CDH13: variants seen among roughly 807,000 people sequenced by gnomAD.
The protein encoded by CDH13 is cadherin-13.
CDH13 carries 24 observed loss-of-function variants against 63.8 expected under a neutral mutation model. The observed-to-expected ratio is 0.38, with a 90% CI of 0.27 to 0.53. The LOEUF is 0.53. CDH13 is among the 20% of genes least tolerant of loss of function. CDH13 has a pLI of 0.85. For missense variants in CDH13, 1,049 were observed against 903.1 expected (o/e 1.16, Z -2.07); for synonymous variants, 503 against 355.3 (o/e 1.42, Z -4.67).
intron 2 of CDH13, among the ~76,000 whole-genome samples, chr16:82,860,400 C>G (rs796371526): frequency 0.013 from 776 of 61,618 alleles, 1 homozygote; most frequent in Middle Eastern, 0.02. Context: ...GGGGGGGGGG[C>G]GGCGGTGTGC....
At chr16:83,052,543 G>A (rs1234418012) in intron 3 of CDH13, among the ~76,000 whole-genome samples, 1 of 152,150 alleles carries the variant, frequency 6.6e-6, no homozygotes, top group Non-Finnish European at 1.5e-5. Flanking sequence ...AGTTTGGGAG[G>A]CCAAGGCGGG....
At chr16:82,706,648 A>AG (rs1340685686) in intron 1 of CDH13, among the ~76,000 whole-genome samples, 2 of 151,800 alleles carry the variant, frequency 1.3e-5, no homozygotes, top group Non-Finnish European at 2.9e-5. Flanking sequence ...TAAAAAAAAA[A>AG]AAAACATTAG....
At chr16:83,253,665 T>C (rs1304874927) in intron 5 of CDH13, among the ~76,000 whole-genome samples, 1 of 152,196 alleles carries the variant, frequency 6.6e-6, no homozygotes, top group Non-Finnish European at 1.5e-5. Context: ...CTACTGCCCT[T>C]CTGCAAATAC....
At chr16:83,166,282 G>T (rs1328591642) in intron 4 of CDH13, among the ~76,000 whole-genome samples, 1 of 152,092 alleles carries the variant, frequency 6.6e-6, no homozygotes, top group African/African-American at 2.4e-5. Context: ...ACTATTTTAT[G>T]TAAATCTCTA....
At chr16:82,653,200 G>T (rs1407304090) in intron 1 of CDH13, among the ~76,000 whole-genome samples, 1 of 152,152 alleles carries the variant, frequency 6.6e-6, no homozygotes, top group Non-Finnish European at 1.5e-5. Flanking sequence ...GTGGTAGGGG[G>T]TGGGTGGATG....
At chr16:83,092,688 A>C (rs960335210) in intron 3 of CDH13, among the ~76,000 whole-genome samples, 1 of 152,036 alleles carries the variant, frequency 6.6e-6, no homozygotes, top group Non-Finnish European at 1.5e-5. Context: ...TTCTCTGTTT[A>C]TTTTGAGTTG....
chr16:83,679,433 C>T (rs1175574358), intron 10 of CDH13, among the ~76,000 whole-genome samples: 2 of 152,136 alleles, frequency 1.3e-5, no homozygotes, highest in Non-Finnish European at 2.9e-5. Context: ...TTTGAAACAC[C>T]TGAAAATGTG....
chr16:82,791,897 T>A (rs1192571868), intron 1 of CDH13, among the ~76,000 whole-genome samples: 1 of 152,156 alleles, frequency 6.6e-6, no homozygotes, highest in Non-Finnish European at 1.5e-5. Context: ...GATCCCCAGG[T>A]CAGAGAACAA....
At chr16:83,567,081 GC>G (rs1904287717) in intron 7 of CDH13, among the ~76,000 whole-genome samples, 1 of 151,994 alleles carries the variant, frequency 6.6e-6, no homozygotes, top group Admixed American at 6.6e-5. Context: ...TTCCCCATTT[GC>G]CATCCAGCCA....
chr16:83,193,751 G>T (rs1597494349), intron 4 of CDH13, among the ~76,000 whole-genome samples: 1 of 152,266 alleles, frequency 6.6e-6, no homozygotes, highest in Middle Eastern at 3.4e-3. Context: ...GGTAGAAAAA[G>T]AATTCACCTT....
At chr16:83,681,631 C>G (rs188165837) in intron 10 of CDH13, among the ~76,000 whole-genome samples, 169 of 152,220 alleles carry the variant, frequency 1.1e-3, no homozygotes, top group African/African-American at 3.9e-3. Flanking sequence ...CTCTCCTCTC[C>G]TGGAGTAAAG....
chr16:83,327,527 C>T (rs1302699545), intron 5 of CDH13, among the ~76,000 whole-genome samples: 1 of 152,178 alleles, frequency 6.6e-6, no homozygotes, highest in South Asian at 2.1e-4. Context: ...GTTTGAAAGG[C>T]ACTTGTTCTA....
intron 2 of CDH13, among the ~76,000 whole-genome samples, chr16:82,897,267 G>C (rs1280702304): frequency 6.6e-6 from 1 of 152,188 alleles, no homozygotes; most frequent in African/African-American, 2.4e-5. Flanking sequence ...ACAGATATCA[G>C]CACACAGCAG....
At chr16:83,724,978 G>C (rs1056200660) in intron 10 of CDH13, among the ~76,000 whole-genome samples, 3 of 152,184 alleles carry the variant, frequency 2.0e-5, no homozygotes, top group African/African-American at 7.2e-5. Flanking sequence ...CTGATTCACA[G>C]ATAGTGGGGA....
chr16:83,352,510 C>G (rs1207284062), intron 6 of CDH13, among the ~76,000 whole-genome samples: 1 of 152,186 alleles, frequency 6.6e-6, no homozygotes, highest in Non-Finnish European at 1.5e-5. Flanking sequence ...CAAAAAAACA[C>G]CTGCACTCAT....
intron 2 of CDH13, among the ~76,000 whole-genome samples, chr16:82,937,428 C>G (rs721630): frequency 0.37 from 56,663 of 151,802 alleles, 14,528 homozygotes; most frequent in African/African-American, 0.74. Flanking sequence ...TGCACACACA[C>G]ACACACACAG....
At chr16:82,980,988 T>G (rs1046107080) in intron 2 of CDH13, among the ~76,000 whole-genome samples, 2 of 152,132 alleles carry the variant, frequency 1.3e-5, no homozygotes, top group Non-Finnish European at 2.9e-5. Context: ...TTTTTTCTCA[T>G]CCCCTAAATT....
At chr16:82,907,474 T>C (rs1030542671) in intron 2 of CDH13, among the ~76,000 whole-genome samples, 1 of 152,238 alleles carries the variant, frequency 6.6e-6, no homozygotes, top group Non-Finnish European at 1.5e-5. Context: ...TTGACCCATC[T>C]ATGAAATATC....
intron 1 of CDH13, among the ~76,000 whole-genome samples, chr16:82,798,288 C>T (rs769897628): frequency 1.4e-4 from 22 of 152,114 alleles, no homozygotes; most frequent in Non-Finnish European, 3.2e-4. Flanking sequence ...TCGTAGGAGC[C>T]GCACACTCAG....
Sources: gnomAD v4.1 joint callset for allele counts (sites outside exome capture counted in the v4.1 genomes callset) on GRCh38, gnomAD v4.1.1 for gene constraint, MANE v1.5 for transcripts, NCBI Gene and HGNC (gene_info 2026-07-23, HGNC 2026-07-21) for gene names.